The following ZCCHC17 variants were observed in gnomAD, a reference collection of about 807,000 sequenced individuals.
ZCCHC17 encodes the protein zinc finger CCHC-type containing 17, also known as zinc finger CCHC domain-containing protein 17.
Under a neutral mutation model 30.6 loss-of-function variants are expected in ZCCHC17, and 18 were observed. The observed-to-expected ratio is 0.59, with a 90% CI of 0.41 to 0.87. ZCCHC17 has a LOEUF of 0.87. ZCCHC17 is among the 40% of genes least tolerant of loss of function. The pLI, the probability that ZCCHC17 is intolerant of heterozygous loss-of-function variation, is 0.00. For synonymous variants in ZCCHC17, 88 were observed against 92.4 expected (o/e 0.95, Z 0.27); for missense variants, 263 against 284.2 (o/e 0.93, Z 0.54).
chr1:31,308,242 CTT>C (rs1295151346), intron 1 of ZCCHC17, among the ~76,000 whole-genome samples: 1 of 152,216 alleles, frequency 6.6e-6, no homozygotes, highest in Non-Finnish European at 1.5e-5. Context: ...TAAAAAGACA[CTT>C]TGGCTGACCT....
intron 7 of ZCCHC17, among the ~76,000 whole-genome samples, chr1:31,350,063 A>C (rs1477474534): frequency 6.6e-6 from 1 of 152,208 alleles, no homozygotes; most frequent in Non-Finnish European, 1.5e-5. Context: ...TTTATGGCAG[A>C]GCAATTCATA....
chr1:31,344,123 A>G (rs1245495235), intron 5 of ZCCHC17, among the ~76,000 whole-genome samples: 2 of 151,748 alleles, frequency 1.3e-5, no homozygotes, highest in Non-Finnish European at 2.9e-5. Flanking sequence ...CCAAAGTGCT[A>G]GGATTACAGA....
intron 3 of ZCCHC17, among the ~76,000 whole-genome samples, chr1:31,325,992 TAAA>T (rs71569978): frequency 1.4e-5 from 2 of 138,772 alleles, no homozygotes; most frequent in African/African-American, 2.7e-5. Context: ...CCCTGTCCCT[TAAA>T]AAAAAAAAAA....
At chr1:31,349,032 C>A in intron 7 of ZCCHC17, 58 bp downstream of exon 7, 1 of 1,520,208 alleles carries the variant, frequency 6.6e-7, no homozygotes, top group Non-Finnish European at 8.8e-7. Context: ...AGATGAAAAT[C>A]TGAAAAGCCT....
chr1:31,306,449 T>C (rs1318976716), intron 1 of ZCCHC17, among the ~76,000 whole-genome samples: 1 of 152,230 alleles, frequency 6.6e-6, no homozygotes, highest in Non-Finnish European at 1.5e-5. Flanking sequence ...ACAAAGGGGA[T>C]GATTCATATC....
At chr1:31,341,163 A>G (rs1639033837) in intron 5 of ZCCHC17, among the ~76,000 whole-genome samples, 1 of 152,230 alleles carries the variant, frequency 6.6e-6, no homozygotes, top group Non-Finnish European at 1.5e-5. Flanking sequence ...TGTGACTTAC[A>G]GAACTTTTCA....
At chr1:31,357,923 T>C (rs1192022140) in intron 7 of ZCCHC17, among the ~76,000 whole-genome samples, 2 of 152,114 alleles carry the variant, frequency 1.3e-5, no homozygotes, top group Non-Finnish European at 2.9e-5. Flanking sequence ...GCCCAGCTGA[T>C]TTTCTATTTT....
intron 1 of ZCCHC17, among the ~76,000 whole-genome samples, chr1:31,300,116 G>A (rs1557685465): frequency 6.6e-6 from 1 of 152,190 alleles, no homozygotes; most frequent in Non-Finnish European, 1.5e-5. Flanking sequence ...GCCGATTGCA[G>A]TGGCATGATT....
intron 1 of ZCCHC17, among the ~76,000 whole-genome samples, chr1:31,302,544 T>TTAGTG (rs1646342602): frequency 6.6e-6 from 1 of 152,224 alleles, no homozygotes; most frequent in Non-Finnish European, 1.5e-5. Context: ...TGGGACCTAG[T>TTAGTG]TAGTGTTAGA....
chr1:31,316,935 C>T (rs1171105898), intron 2 of ZCCHC17, among the ~76,000 whole-genome samples: 1 of 151,788 alleles, frequency 6.6e-6, no homozygotes, highest in Non-Finnish European at 1.5e-5. Flanking sequence ...TCCATCCTAA[C>T]ATTGAAGTGA....
rs770581773 is a variant in ZCCHC17, at chr1:31,310,093, T to C, written c.-6T>C. 13 of 1,613,814 alleles carry C rather than the reference T, an allele frequency of 8.1e-6. No individual in the cohort carries two copies. The South Asian group carries it at 8.8e-5, about 11-fold the overall frequency. On this transcript the variant is annotated 5_prime_UTR_variant, in exon 2 of 8. Coordinates refer to ENST00000344147, the MANE Select transcript of ZCCHC17 (RefSeq NM_016505.4). ...AGAGAAATGGAGGAGCCATAGAATA[T>C]TAAGGATGAATTCAGGAAGGCCTGA... is the stretch of plus-strand genomic sequence containing the variant.
chr1:31,327,640 A>G (rs1344746987), intron 3 of ZCCHC17, among the ~76,000 whole-genome samples: 1 of 152,198 alleles, frequency 6.6e-6, no homozygotes, highest in African/African-American at 2.4e-5. Flanking sequence ...TTAGTCCCTT[A>G]GTAGCCTTCT....
Position 31,364,211 on chromosome 1 carries a change from G to T in ZCCHC17, c.*18G>T, listed in dbSNP as rs971999515. The stretch of plus-strand genomic sequence containing the variant: ...AGGAGTGAGAGTATAAAGAGTGTAG[G>T]GGGTGGTTGAGAGTAAGAAACCAGG... On this transcript the variant is annotated 3_prime_UTR_variant, in exon 8 of 8. Coordinates refer to ENST00000344147, the MANE Select transcript of ZCCHC17 (RefSeq NM_016505.4). The T allele has an allele frequency of 1.5e-5, 24 of 1,603,130 alleles. No individual in the cohort carries two copies. The highest frequency in any genetic ancestry group is 1.9e-5 in the Non-Finnish European group (22 of 1,176,432).
intron 3 of ZCCHC17, 63 bp downstream of exon 3, chr1:31,319,229 T>C (rs1439067225): frequency 1.8e-5 from 24 of 1,360,312 alleles, no homozygotes; most frequent in Non-Finnish European, 2.3e-5. Flanking sequence ...CTCCACCACC[T>C]CCTAATTATA....
At chr1:31,337,719 T>G (rs1172884734) in intron 4 of ZCCHC17, among the ~76,000 whole-genome samples, 1 of 151,980 alleles carries the variant, frequency 6.6e-6, no homozygotes, top group African/African-American at 2.4e-5. Context: ...GTGCAGAAAG[T>G]GAAAAAAATC....
At chr1:31,357,811 A>G (rs1639702606) in intron 7 of ZCCHC17, among the ~76,000 whole-genome samples, 1 of 148,806 alleles carries the variant, frequency 6.7e-6, no homozygotes, top group Non-Finnish European at 1.5e-5. Context: ...GCTGGAGTGC[A>G]ATGGTGCGAT....
chr1:31,321,352 T>C (rs886926873), intron 3 of ZCCHC17, among the ~76,000 whole-genome samples: 4 of 152,126 alleles, frequency 2.6e-5, no homozygotes, highest in African/African-American at 9.7e-5. Flanking sequence ...CCTTTCCCCA[T>C]GGTTGTTAAG....
At position 31,352,263 on chromosome 1, in the gene ZCCHC17, G is replaced by T. The variant is rs190351162; in HGVS notation, c.564+3289G>T. 1.1e-4 allele frequency among the ~76,000 whole-genome samples: 16 copies of T among 152,216 alleles called. No individual in the cohort carries two copies. In the East Asian group the frequency reaches 2.3e-3, roughly 22 times the overall value. On this transcript the variant is annotated intron_variant, in intron 7 of 7. Coordinates refer to ENST00000344147, the MANE Select transcript of ZCCHC17 (RefSeq NM_016505.4). Reference sequence around the variant, plus strand: ...TTCATATTGTTGTACAACCATCACTGTCTTTGATCTCGAGAACTCTCTATA... The same window carrying T: ...TTCATATTGTTGTACAACCATCACTTTCTTTGATCTCGAGAACTCTCTATA...
intron 3 of ZCCHC17, among the ~76,000 whole-genome samples, chr1:31,334,391 AAGAG>A (rs775315873): frequency 5.2e-4 from 51 of 97,872 alleles, no homozygotes; most frequent in Middle Eastern, 5.3e-3. Flanking sequence ...GTGTGTGTGA[AAGAG>A]AGAGTGGGAG....
Sources: gnomAD v4.1 joint callset for allele counts (sites outside exome capture counted in the v4.1 genomes callset) on GRCh38, gnomAD v4.1.1 for gene constraint, MANE v1.5 for transcripts, NCBI Gene and HGNC (gene_info 2026-07-23, HGNC 2026-07-21) for gene names.